Variants in PPP1R21 observed in about 807,000 individuals in gnomAD.
PPP1R21 encodes protein phosphatase 1 regulatory subunit 21.
Under a neutral mutation model 112.8 loss-of-function variants are expected in PPP1R21, and 85 were observed. The ratio of observed to expected loss-of-function variants is 0.75; its 90% CI spans 0.63 to 0.90. The LOEUF is 0.90. Among genes scored for constraint, PPP1R21 ranks in the 40% least tolerant of loss-of-function variants. PPP1R21 has a pLI of 0.00. For synonymous variants in PPP1R21, 381 were observed against 322.3 expected (o/e 1.18, Z -1.95); for missense variants, 1,199 against 901.5 (o/e 1.33, Z -4.23).
chr2:48,444,346 TC>T (rs1007335736), intron 1 of PPP1R21, among the ~76,000 whole-genome samples: 7 of 152,202 alleles, frequency 4.6e-5, no homozygotes, highest in African/African-American at 1.7e-4. Flanking sequence ...GCAAGCTACC[TC>T]CTTGAGATGT....
chr2:48,458,943 T>C, intron 4 of PPP1R21, among the ~76,000 whole-genome samples: 1 of 151,844 alleles, frequency 6.6e-6, no homozygotes, highest in Admixed American at 6.6e-5. Flanking sequence ...ATACAAAAAA[T>C]TAGCCAGGCG....
chr2:48,446,155 G>A (rs1667236720), intron 1 of PPP1R21, among the ~76,000 whole-genome samples: 1 of 152,226 alleles, frequency 6.6e-6, no homozygotes, highest in Non-Finnish European at 1.5e-5. Flanking sequence ...TCTAACACAA[G>A]ATTGTTGAGG....
intron 16 of PPP1R21, 108 bp downstream of exon 16, chr2:48,495,879 CAT>C (rs1202845233): frequency 4.4e-6 from 3 of 676,824 alleles, no homozygotes; most frequent in African/African-American, 1.8e-5. Flanking sequence ...CATAAATAAA[CAT>C]GTGAAATGAA....
chr2:48,498,415 A>G (rs1347567043), intron 16 of PPP1R21, 78 bp from the exon 17 acceptor site: 2 of 1,488,796 alleles, frequency 1.3e-6, no homozygotes, highest in South Asian at 2.4e-5. Flanking sequence ...TTTGGTTTAC[A>G]TTCTGTAAGA....
chr2:48,496,964 T>G (rs1332972462), intron 16 of PPP1R21, among the ~76,000 whole-genome samples: 3 of 152,172 alleles, frequency 2.0e-5, no homozygotes, highest in South Asian at 2.1e-4. Flanking sequence ...ACTCTAAATC[T>G]CTTCATCTGT....
intron 21 of PPP1R21, among the ~76,000 whole-genome samples, chr2:48,513,511 T>G (rs1171061998): frequency 2.0e-5 from 3 of 151,992 alleles, no homozygotes; most frequent in African/African-American, 7.2e-5. Flanking sequence ...CACACAGCAT[T>G]TTAGAGATTG....
At chr2:48,471,211 T>G (rs754809547) in intron 10 of PPP1R21, 23 bp downstream of exon 10, 1 of 1,605,944 alleles carries the variant, frequency 6.2e-7, no homozygotes, top group African/African-American at 1.3e-5. Context: ...CTTGTTTTAC[T>G]TCTGGAAACT....
chr2:48,462,387 G>A (rs988014901), intron 7 of PPP1R21, among the ~76,000 whole-genome samples: 2 of 152,196 alleles, frequency 1.3e-5, no homozygotes, highest in African/African-American at 4.8e-5. Flanking sequence ...ACTAGACTGT[G>A]CCATAAAGAA....
At position 48,511,341 on chromosome 2, in the gene PPP1R21, A is replaced by G; in HGVS notation, c.2186A>G (p.Asp729Gly). ...LASQNISRLQ[D>G]ELTTTKRSYE... ...TTTGTCTTTTTCTTTGCTATTTAGG[A>G]TGAGCTGACAACTACCAAGAGGAGT... Residue 729 changes from aspartate to glycine, a missense_variant and splice_region_variant, in exon 21 of 22, where the codon GAT becomes GGT. Transcript: ENST00000294952. The G allele has an allele frequency of 1.2e-6, 2 of 1,611,670 alleles. No homozygotes were observed. Among genetic ancestry groups the G allele is most frequent in the South Asian group, 1.1e-5 (1 of 90,506 alleles).
intron 15 of PPP1R21, among the ~76,000 whole-genome samples, chr2:48,492,557 C>A (rs1031973443): frequency 3.9e-5 from 6 of 152,150 alleles, no homozygotes; most frequent in African/African-American, 1.4e-4. Context: ...TACTTTTTTA[C>A]TGTTACAATA....
chr2:48,479,804 A>G lies in PPP1R21; in HGVS notation c.1226-120A>G, dbSNP rs117111550. The G allele has an allele frequency of 1.6e-3, 1,120 of 704,914 alleles. 16 individuals carry two copies. In the East Asian group the frequency reaches 0.028, roughly 17 times the overall value. 43.7% of individuals were successfully genotyped at this position (704,914 alleles called of 1,614,324 possible). A position where few individuals can be genotyped will look rare whatever the true frequency, so the allele number is the denominator to read the frequency against. The stretch of plus-strand genomic sequence containing the variant: ...TGAATGTATCTGCCACGATTTTAAG[A>G]GGCATTATTTCTAGCACATTACAAC... On this transcript the variant is annotated intron_variant, in intron 12 of 21. Coordinates refer to ENST00000294952, the MANE Select transcript of PPP1R21 (RefSeq NM_001135629.3).
chr2:48,489,753 T>G (rs1191593658), intron 14 of PPP1R21, among the ~76,000 whole-genome samples: 2 of 151,634 alleles, frequency 1.3e-5, no homozygotes, highest in Non-Finnish European at 2.9e-5. Context: ...CTACTAAACA[T>G]ACAAAAATTA....
intron 11 of PPP1R21, among the ~76,000 whole-genome samples, chr2:48,473,965 T>C (rs909565644): frequency 1.6e-4 from 25 of 152,232 alleles, no homozygotes; most frequent in African/African-American, 5.3e-4. Flanking sequence ...GAAAAGATTT[T>C]CTAGATTCTC....
chr2:48,510,701 A>G (rs1670600659), intron 20 of PPP1R21, among the ~76,000 whole-genome samples: 2 of 152,202 alleles, frequency 1.3e-5, no homozygotes, highest in Non-Finnish European at 2.9e-5. Context: ...AGAGAGATGA[A>G]GGGTGCTTCT....
At chr2:48,486,571 G>C (rs2103920215) in intron 13 of PPP1R21, 60 bp from the exon 14 acceptor site, 2 of 1,292,602 alleles carry the variant, frequency 1.5e-6, no homozygotes, top group South Asian at 1.3e-5. Flanking sequence ...GAATGGGCTG[G>C]TTATCTGTAT....
At chr2:48,451,432 A>C (rs1434000977) in intron 2 of PPP1R21, among the ~76,000 whole-genome samples, 3 of 152,180 alleles carry the variant, frequency 2.0e-5, no homozygotes, top group Non-Finnish European at 4.4e-5. Context: ...TCCTATTTGA[A>C]TCCCTCTCAC....
chr2:48,454,464 A>G, intron 2 of PPP1R21, 131 bp from the exon 3 acceptor site: 2 of 1,044,356 alleles, frequency 1.9e-6, no homozygotes, highest in Non-Finnish European at 2.8e-6. Flanking sequence ...CTGAAGTGAT[A>G]CACATACAAC....
rs548710789 is a variant in PPP1R21 at position 48,485,472 on chromosome 2, A to G, written c.1319-1159A>G. ...TCTGTGACAACTGTACCATAGTAAT[A>G]TGTTAACAGTAGGAAAAATTGGCTA... On this transcript the variant is annotated intron_variant, in intron 13 of 21. Coordinates refer to ENST00000294952, the MANE Select transcript of PPP1R21 (RefSeq NM_001135629.3). Among the ~76,000 whole-genome samples, 5 of 152,304 alleles carry G rather than the reference A, an allele frequency of 3.3e-5. No individual in the cohort carries two copies. The South Asian group carries it at 8.3e-4, about 25-fold the overall frequency.
intron 7 of PPP1R21, among the ~76,000 whole-genome samples, chr2:48,463,158 C>T (rs1334457978): frequency 6.6e-6 from 1 of 152,206 alleles, no homozygotes; most frequent in Non-Finnish European, 1.5e-5. Flanking sequence ...GATGTCAACA[C>T]TATTGGGCTG....
Sources: gnomAD v4.1 joint callset for allele counts (sites outside exome capture counted in the v4.1 genomes callset) on GRCh38, gnomAD v4.1.1 for gene constraint, MANE v1.5 for transcripts, NCBI Gene and HGNC (gene_info 2026-07-23, HGNC 2026-07-21) for gene names.